Variants in SMAD6 observed in about 807,000 individuals in gnomAD.
The protein encoded by SMAD6 is MAD homolog 6.
SMAD6 carries 103 observed loss-of-function variants against 39.4 expected under a neutral mutation model. That is an observed-to-expected ratio of 2.62 (90% CI 2.23 to 3.08). SMAD6 has a LOEUF of 3.08. SMAD6 is among the 30% of genes most tolerant of loss of function. The pLI, the probability that SMAD6 is intolerant of heterozygous loss-of-function variation, is 0.00. For missense variants in SMAD6, 1,104 were observed against 742.9 expected (o/e 1.49, Z -5.65); for synonymous variants, 445 against 353.3 (o/e 1.26, Z -2.91).
At chr15:66,751,485 C>T (rs541619038) in intron 3 of SMAD6, among the ~76,000 whole-genome samples, 2 of 152,340 alleles carry the variant, frequency 1.3e-5, no homozygotes, top group East Asian at 1.9e-4. Context: ...TGAGGTGGCA[C>T]GCTGGGTGGG....
chr15:66,753,673 C>T (rs1894047555), intron 3 of SMAD6, among the ~76,000 whole-genome samples: 1 of 152,212 alleles, frequency 6.6e-6, no homozygotes. Context: ...ATACTTGCTC[C>T]CCACCTTGCG....
chr15:66,739,249 C>A, intron 3 of SMAD6, among the ~76,000 whole-genome samples: 1 of 152,170 alleles, frequency 6.6e-6, no homozygotes, highest in Non-Finnish European at 1.5e-5. Context: ...TGCCATCACG[C>A]CTGGCTAATT....
At chr15:66,755,219 G>A (rs930572727) in intron 3 of SMAD6, among the ~76,000 whole-genome samples, 9 of 152,286 alleles carry the variant, frequency 5.9e-5, no homozygotes, top group East Asian at 3.9e-4. Context: ...GGCCACTGCC[G>A]TGTTGAAGAA....
chr15:66,753,932 C>T (rs1272958730), intron 3 of SMAD6, among the ~76,000 whole-genome samples: 1 of 152,206 alleles, frequency 6.6e-6, no homozygotes, highest in Non-Finnish European at 1.5e-5. Flanking sequence ...GGGCAGTGTG[C>T]AGGGTGCCTG....
Position 66,776,766 on chromosome 15 carries a change from A to G in SMAD6, c.953-4231A>G, listed in dbSNP as rs192045106. On this transcript the variant is annotated intron_variant, in intron 3 of 3. Coordinates refer to ENST00000288840, the MANE Select transcript of SMAD6 (RefSeq NM_005585.5). ...AATAAGTTAGAAAATAAGTCTGTAC[A>G]TGGCAAAATAAAGCGGTGGTAGTCT... Among the ~76,000 whole-genome samples, 610 of 152,358 alleles carry G rather than the reference A, an allele frequency of 4.0e-3. 2 individuals are homozygous for G. Among genetic ancestry groups the G allele is most frequent in the Admixed American group, 0.011 (176 of 15,306 alleles).
At position 66,703,581 on chromosome 15, in the gene SMAD6, CG is replaced by C. The variant is rs2140581279; in HGVS notation, c.325del (p.Glu109SerfsTer16). On this transcript the variant is annotated frameshift_variant, in exon 1 of 4. Transcript: ENST00000288840. LOFTEE classifies it high-confidence loss of function. ...AGAGSSLLDV[A>X]EPGGPGWLPE... is the part of the protein sequence containing the mutation. The stretch of plus-strand genomic sequence containing the variant: ...GCTGGGAGCTCCCTGCTGGACGTGG[CG>C]GAGCCGGGAGGCCCGGGCTGGCTGC... 8.2e-7 allele frequency: 1 copy of C among 1,226,116 alleles called. No homozygotes were observed. The highest frequency in any genetic ancestry group is 1.0e-6 in the Non-Finnish European group (1 of 981,146). The allele number at this position is 1,226,116 out of a possible 1,614,324, so 76.0% of individuals were successfully genotyped here.
chr15:66,725,361 G>T (rs1893504301), intron 3 of SMAD6, among the ~76,000 whole-genome samples: 1 of 152,208 alleles, frequency 6.6e-6, no homozygotes, highest in African/African-American at 2.4e-5. Context: ...CAAAGCAGGA[G>T]CTGCTCTGGC....
At chr15:66,777,879 T>C (rs951372473) in intron 3 of SMAD6, among the ~76,000 whole-genome samples, 2 of 152,310 alleles carry the variant, frequency 1.3e-5, no homozygotes, top group African/African-American at 2.4e-5. Context: ...CTTAGCTGGA[T>C]GGCTGGGGCA....
chr15:66,723,224 G>T (rs1893465181), intron 3 of SMAD6, among the ~76,000 whole-genome samples: 1 of 152,192 alleles, frequency 6.6e-6, no homozygotes, highest in African/African-American at 2.4e-5. Context: ...ACTAAAGCTT[G>T]GGGGCTGCAG....
At chr15:66,730,212 G>C (rs182536264) in intron 3 of SMAD6, among the ~76,000 whole-genome samples, 20 of 152,360 alleles carry the variant, frequency 1.3e-4, no homozygotes, top group African/African-American at 4.8e-4. Context: ...TTTTGACAGG[G>C]ATGGATGGAG....
At chr15:66,756,594 A>G (rs774816031) in intron 3 of SMAD6, among the ~76,000 whole-genome samples, 3 of 152,196 alleles carry the variant, frequency 2.0e-5, no homozygotes, top group Non-Finnish European at 4.4e-5. Context: ...TTTGTTTTCC[A>G]TCGTTCTGTC....
Position 66,773,601 on chromosome 15 carries a change from G to A in SMAD6, c.953-7396G>A, listed in dbSNP as rs142383407. On this transcript the variant is annotated intron_variant, in intron 3 of 3. Coordinates refer to ENST00000288840, the MANE Select transcript of SMAD6 (RefSeq NM_005585.5). ...TTAGGTTAACCAGATGCAGGGCCAC[G>A]TAATTACTCCCAGGCCTGGGAGCCA... Among the ~76,000 whole-genome samples the A allele has an allele frequency of 6.8e-4, 103 of 152,224 alleles. 1 individual carries two copies. In the East Asian group the frequency reaches 0.018, roughly 26 times the overall value.
rs1251991770 is a variant in SMAD6 at position 66,703,472 on chromosome 15, G to C, written c.214G>C (p.Val72Leu). The C allele has an allele frequency of 1.6e-6, 2 of 1,245,762 alleles. No homozygotes were observed. Among genetic ancestry groups the C allele is most frequent in the African/African-American group, 3.1e-5 (2 of 63,828 alleles). The allele number at this position is 1,245,762 out of a possible 1,614,324, so 77.2% of individuals were successfully genotyped here. A position where few individuals can be genotyped will look rare whatever the true frequency, so the allele number is the denominator to read the frequency against. ...AGCCCCGCGGCGGCCCCGGGACGCAGTGGGACAGCGAGGCGCCCAGGGCGC... is the reference window on the plus strand; with the variant it reads ...AGCCCCGCGGCGGCCCCGGGACGCACTGGGACAGCGAGGCGCCCAGGGCGC... ...PVAPRRPRDAVGQRGAQGAGR... is the reference protein window; with the variant it reads ...PVAPRRPRDALGQRGAQGAGR... The change falls in exon 1 of 4, where the codon GTG becomes CTG. Residue 72 changes from valine (V) to leucine (L), a missense_variant. Transcript: ENST00000288840.
At chr15:66,722,870 C>T (rs532795101) in intron 3 of SMAD6, among the ~76,000 whole-genome samples, 2 of 152,200 alleles carry the variant, frequency 1.3e-5, no homozygotes, top group Non-Finnish European at 2.9e-5. Flanking sequence ...AGAAGCAATG[C>T]GGGATGGTGG....
Position 66,716,435 on chromosome 15 carries a change from A to G in SMAD6, c.889A>G (p.Thr297Ala). The part of the protein sequence containing the change: ...EYKPLDLSDS[T>A]LSYTETEATN... ...TCCTCCCACAGATCTGTCCGATTCC[A>G]CATTGTCTTACACTGAAACGGAGGC... Residue 297 changes from threonine to alanine, a missense_variant, in exon 3 of 4, where the codon ACA becomes GCA. Physicochemically the swap from Thr to Ala is moderately conservative, Grantham distance 58 (BLOSUM62 0). Transcript: ENST00000288840. 1 of 1,613,178 alleles carries G rather than the reference A, an allele frequency of 6.2e-7. No individual in the cohort carries two copies. The highest frequency in any genetic ancestry group is 8.5e-7 in the Non-Finnish European group (1 of 1,179,092).
intron 1 of SMAD6, chr15:66,705,114 C>T (rs905601948): frequency 6.6e-6 from 1 of 152,278 alleles, no homozygotes; most frequent in African/African-American, 2.4e-5. Context: ...TGGGAGGGCT[C>T]TGAATCCCTC....
At chr15:66,723,373 T>G (rs74681117) in intron 3 of SMAD6, among the ~76,000 whole-genome samples, 1 of 152,200 alleles carries the variant, frequency 6.6e-6, no homozygotes, top group Admixed American at 6.5e-5. Flanking sequence ...GACAAGTCAA[T>G]GTACTGAACA....
At chr15:66,754,718 A>C (rs755840879) in intron 3 of SMAD6, among the ~76,000 whole-genome samples, 3 of 152,208 alleles carry the variant, frequency 2.0e-5, no homozygotes, top group Non-Finnish European at 4.4e-5. Context: ...GATATGATTA[A>C]TTATAATCCC....
rs150091777 is a variant in SMAD6 at position 66,769,571 on chromosome 15, G to C, written c.953-11426G>C. Among the ~76,000 whole-genome samples the C allele has an allele frequency of 4.8e-3, 730 of 152,254 alleles. 6 individuals carry two copies. The highest frequency in any genetic ancestry group is 0.017 in the African/African-American group (699 of 41,558). On this transcript the variant is annotated intron_variant, in intron 3 of 3. Coordinates refer to ENST00000288840, the MANE Select transcript of SMAD6 (RefSeq NM_005585.5). ...GTGAGGCCAAGGATTTGAGGGAGCT[G>C]GGCTGTGGGTACCTTACCTGGTTAC...
Sources: allele counts gnomAD v4.1 joint callset (sites outside exome capture counted in the v4.1 genomes callset), GRCh38; gene constraint gnomAD v4.1.1; transcripts MANE v1.5; gene names NCBI Gene and HGNC (gene_info 2026-07-23, HGNC 2026-07-21).